The following IQSEC1 variants were observed in gnomAD, a reference collection of about 807,000 sequenced individuals.
IQSEC1 encodes the protein IQ motif and Sec7 domain ArfGEF 1.
IQSEC1 carries 31 observed loss-of-function variants against 91.0 expected under a neutral mutation model. The observed-to-expected ratio is 0.34, with a 90% CI of 0.26 to 0.46. The LOEUF (loss-of-function observed/expected upper bound fraction) is 0.46, where lower values mean the gene tolerates loss of function less well. Ranked by LOEUF, IQSEC1 falls within the 20% of genes least tolerant of loss-of-function variation. The probability of loss-of-function intolerance (pLI) is 1.00; values close to 1 mark genes in which losing one functional copy is unlikely to be tolerated. For missense variants in IQSEC1, 1,388 were observed against 1,575.6 expected (o/e 0.88, Z 2.02); for synonymous variants, 699 against 662.6 (o/e 1.05, Z -0.84).
intron 1 of IQSEC1, among the ~76,000 whole-genome samples, chr3:13,006,161 C>T (rs1466008175): frequency 1.3e-5 from 2 of 152,236 alleles, no homozygotes; most frequent in Admixed American, 1.3e-4. Context: ...CCAGGCCTCT[C>T]CTGGGTAGCC....
upstream of IQSEC1, among the ~76,000 whole-genome samples, chr3:13,074,136 G>A (rs1039106799): frequency 5.3e-5 from 8 of 152,220 alleles, no homozygotes; most frequent in African/African-American, 1.9e-4. Flanking sequence ...TAAGGATCAG[G>A]ATGAAAAGAG....
At chr3:13,120,289 C>T (rs983715395) in intron 2 of IQSEC1, among the ~76,000 whole-genome samples, 1 of 152,140 alleles carries the variant, frequency 6.6e-6, no homozygotes, top group African/African-American at 2.4e-5. Flanking sequence ...CTGTCATTGC[C>T]CCCAGTTTAC....
chr3:12,960,950 A>C (rs552753831), intron 1 of IQSEC1, among the ~76,000 whole-genome samples: 22 of 152,308 alleles, frequency 1.4e-4, no homozygotes, highest in African/African-American at 5.3e-4. Flanking sequence ...AGTGGGGACC[A>C]CCTTGCCCTG....
intron 2 of IQSEC1, among the ~76,000 whole-genome samples, chr3:13,083,720 A>G (rs183913150): frequency 3.2e-4 from 48 of 152,374 alleles, no homozygotes; most frequent in African/African-American, 1.1e-3. Context: ...GCTGTGGAGA[A>G]TAAATGAGGG....
rs903713813 is a variant in IQSEC1, at chr3:13,255,055, G to A, written c.272+27656C>T. Among the ~76,000 whole-genome samples the A allele has an allele frequency of 4.6e-5, 7 of 152,222 alleles. No homozygotes were observed. The East Asian group carries it at 5.8e-4, about 13-fold the overall frequency. ...GAACGTCTGGAAGACCAACCTCCAC[G>A]TCAGGCAGCTCTAGAAGCTGCTTTT... On this transcript the variant is annotated intron_variant, in intron 1 of 15. Transcript: ENST00000648114.
At chr3:13,175,594 C>A (rs1427441318) in intron 1 of IQSEC1, among the ~76,000 whole-genome samples, 4 of 152,244 alleles carry the variant, frequency 2.6e-5, no homozygotes, top group African/African-American at 9.6e-5. Context: ...ATGGGCTGGA[C>A]TTAATGATTT....
intron 1 of IQSEC1, among the ~76,000 whole-genome samples, chr3:12,964,480 G>A (rs1700439202): frequency 6.6e-6 from 1 of 152,160 alleles, no homozygotes; most frequent in African/African-American, 2.4e-5. Context: ...AAATCCAGCG[G>A]GTCATTGGTG....
chr3:13,142,030 CCT>C (rs1406763218), intron 2 of IQSEC1, among the ~76,000 whole-genome samples: 3 of 152,186 alleles, frequency 2.0e-5, no homozygotes, highest in Non-Finnish European at 2.9e-5. Context: ...CAGATCCTCC[CCT>C]GTCTGAGTGA....
chr3:13,051,238 A>G (rs1284143392), intron 1 of IQSEC1, among the ~76,000 whole-genome samples: 1 of 152,152 alleles, frequency 6.6e-6, no homozygotes, highest in Non-Finnish European at 1.5e-5. Flanking sequence ...CATTCCAGCC[A>G]TGCTGAGTGA....
At chr3:12,911,839 A>C in intron 9 of IQSEC1, 111 bp from the exon 10 acceptor site, 1 of 755,898 alleles carries the variant, frequency 1.3e-6, no homozygotes, top group South Asian at 1.4e-5. Context: ...GGACAGGGAC[A>C]AGCCCACGTG....
At chr3:12,914,886 C>T (rs952838450) in intron 8 of IQSEC1, among the ~76,000 whole-genome samples, 1 of 152,012 alleles carries the variant, frequency 6.6e-6, no homozygotes, top group Non-Finnish European at 1.5e-5. Context: ...AGGGCGTCAA[C>T]AAGAGGGAGC....
intron 1 of IQSEC1, among the ~76,000 whole-genome samples, chr3:13,264,102 C>A (rs982860621): frequency 1.3e-5 from 2 of 152,186 alleles, no homozygotes; most frequent in South Asian, 4.1e-4. Context: ...TTGAGCCGGA[C>A]GGCGCCGGCC....
chr3:13,099,207 G>C (rs1007810934), intron 2 of IQSEC1, among the ~76,000 whole-genome samples: 1 of 152,220 alleles, frequency 6.6e-6, no homozygotes, highest in Non-Finnish European at 1.5e-5. Context: ...CTGGAGAGGG[G>C]TGAGGAGAGG....
At chr3:12,927,716 G>A (rs1187086613) in intron 3 of IQSEC1, among the ~76,000 whole-genome samples, 1 of 152,274 alleles carries the variant, frequency 6.6e-6, no homozygotes. Context: ...TGTGTCTGCT[G>A]GGCCAGGCAC....
At chr3:13,220,152 T>C (rs1249831397) in intron 1 of IQSEC1, among the ~76,000 whole-genome samples, 6 of 152,226 alleles carry the variant, frequency 3.9e-5, no homozygotes, top group Admixed American at 1.3e-4. Context: ...CGGGTTAGCA[T>C]TGCAAACTCA....
At chr3:12,939,293 C>T (rs1350253055) in intron 2 of IQSEC1, among the ~76,000 whole-genome samples, 1 of 152,210 alleles carries the variant, frequency 6.6e-6, no homozygotes, top group African/African-American at 2.4e-5. Flanking sequence ...AACTTCTGAG[C>T]AGTACAGAAG....
intron 1 of IQSEC1, among the ~76,000 whole-genome samples, chr3:13,280,947 C>G (rs1281362460): frequency 1.3e-5 from 2 of 152,268 alleles, no homozygotes; most frequent in African/African-American, 4.8e-5. Context: ...GGCTTCCCGG[C>G]CAAGGCGGCT....
chr3:13,203,193 A>ACACACACACACT (rs1491475489), intron 1 of IQSEC1, among the ~76,000 whole-genome samples: 5 of 141,628 alleles, frequency 3.5e-5, no homozygotes, highest in African/African-American at 1.1e-4. Context: ...ACACACACAC[A>ACACACACACACT]CTCTTATGCT....
intron 1 of IQSEC1, among the ~76,000 whole-genome samples, chr3:13,269,678 C>T (rs760022946): frequency 1.4e-4 from 22 of 152,336 alleles, no homozygotes; most frequent in Admixed American, 1.1e-3. Flanking sequence ...GGCAGGACAG[C>T]AGCCACATTC....
Sources: allele counts gnomAD v4.1 joint callset (sites outside exome capture counted in the v4.1 genomes callset), GRCh38; gene constraint gnomAD v4.1.1; transcripts MANE v1.5; gene names NCBI Gene and HGNC (gene_info 2026-07-23, HGNC 2026-07-21).